SNRNP200: variants seen among roughly 807,000 people sequenced by gnomAD.
SNRNP200 encodes the protein U5 small nuclear ribonucleoprotein 200 kDa helicase.
Under a neutral mutation model 255.2 loss-of-function variants are expected in SNRNP200, and 66 were observed. The ratio of observed to expected loss-of-function variants is 0.26; its 90% CI spans 0.21 to 0.32. SNRNP200 has a LOEUF of 0.32. SNRNP200 is among the 10% of genes least tolerant of loss of function. The pLI is 1.00. For missense variants in SNRNP200, 1,585 were observed against 2,749.8 expected, an observed-to-expected ratio of 0.58 and a Z score of 9.47; for synonymous variants, 939 against 1,027.8, an observed-to-expected ratio of 0.91 and a Z score of 1.65.
At chr2:96,299,064 C>A in intron 6 of SNRNP200, 97 bp from the exon 7 acceptor site, 1 of 1,503,562 alleles carries the variant, frequency 6.7e-7, no homozygotes, top group Non-Finnish European at 9.2e-7. Flanking sequence ...CAATCCATAG[C>A]CCACCTTCTT....
chr2:96,299,070 T>C (rs1375668210), intron 6 of SNRNP200, 103 bp from the exon 7 acceptor site: 2 of 1,465,886 alleles, frequency 1.4e-6, no homozygotes, highest in African/African-American at 2.8e-5. Flanking sequence ...ATAGCCCACC[T>C]TCTTGTGAGG....
In SNRNP200 at chr2:96,283,147, A is replaced by C. The variant is rs762055213; in HGVS notation, c.4915+54T>G. 69 of 1,607,740 alleles carry C rather than the reference A, an allele frequency of 4.3e-5. No homozygotes were observed. Among genetic ancestry groups the C allele is most frequent in the Non-Finnish European group, 5.4e-5 (63 of 1,177,242 alleles). ...CTGCCACCCGCACCCCTCAAGTTTA[A>C]CACCACCACTTGGTGATACCCTTGC... On this transcript the variant is annotated intron_variant, in intron 34 of 44. Coordinates refer to ENST00000323853, the MANE Select transcript of SNRNP200 (RefSeq NM_014014.5). The surrounding 1 kb of genome is among the most constrained non-coding windows in gnomAD (Gnocchi z 4.7).
At position 96,295,571 on chromosome 2, in the gene SNRNP200, C is replaced by A. The variant is rs750045583; in HGVS notation, c.1759G>T (p.Val587Phe). 1.9e-6 allele frequency: 3 copies of A among 1,613,852 alleles called. No individual in the cohort carries two copies. The African/African-American group carries it at 4.0e-5, about 22-fold the overall frequency. Reference sequence around the variant, plus strand: ...ATGTCCCACTTCTCGGGGGTGCAGACGATGATCTGAGTGGCACTGATCTCT... The same window carrying A: ...ATGTCCCACTTCTCGGGGGTGCAGAAGATGATCTGAGTGGCACTGATCTCT... ...KEEISATQII[V>F]CTPEKWDIIT... Residue 587 changes from valine to phenylalanine, a missense_variant, in exon 14 of 45, where the codon GTC becomes TTC. Val to Phe is a conservative substitution (Grantham distance 50). Coordinates refer to ENST00000323853, the MANE Select transcript of SNRNP200 (RefSeq NM_014014.5).
rs969215410 is a variant in SNRNP200 at position 96,283,122 on chromosome 2, C to T, written c.4915+79G>A. ...TCTCTGGTATGCTGTAGAGAAAACA[C>T]TGCCACCCGCACCCCTCAAGTTTAA... On this transcript the variant is annotated intron_variant, in intron 34 of 44. Coordinates refer to ENST00000323853, the MANE Select transcript of SNRNP200 (RefSeq NM_014014.5). The surrounding 1 kb of genome is among the most constrained non-coding windows in gnomAD (Gnocchi z 4.7). 1.9e-5 allele frequency: 29 copies of T among 1,562,810 alleles called. No homozygotes were observed. In the African/African-American group the frequency reaches 3.2e-4, roughly 17 times the overall value.
rs149355805 is a variant in SNRNP200, at chr2:96,287,946, C to T, written c.3282G>A (p.Ala1094=). 5.0e-6 allele frequency: 8 copies of T among 1,614,200 alleles called. No individual in the cohort carries two copies. The highest frequency in any genetic ancestry group is 2.2e-5 in the East Asian group (1 of 44,888). ...CTCGGTTCAGGACAATTTCAAATAT[C>T]GCTCGCATCAACCGGCCAGCCGACT... ...VTQSAGRLMR[A]IFEIVLNRGW... Residue 1094 remains alanine (A), a synonymous_variant, in exon 25 of 45, where the codon GCG becomes GCA. Transcript: ENST00000323853. This position sits in a 1 kb window ranked among gnomAD's most constrained non-coding sequence, Gnocchi z 5.7.
At chr2:96,294,626 C>A (rs2063905657) in intron 14 of SNRNP200, among the ~76,000 whole-genome samples, 2 of 152,212 alleles carry the variant, frequency 1.3e-5, no homozygotes, top group Admixed American at 1.3e-4. Flanking sequence ...ACACTGAAAA[C>A]CAACACGTGA....
In SNRNP200 at chr2:96,278,533, A is replaced by G. The variant is rs1243831534; in HGVS notation, c.5488+14T>C. ...GGCTCCCACAGACAGGACACGGGCC[A>G]TGCCGGGCCTCACCAATGGTGGTGT... On this transcript the variant is annotated intron_variant, in intron 38 of 44. Coordinates refer to ENST00000323853, the MANE Select transcript of SNRNP200 (RefSeq NM_014014.5). This position sits in a 1 kb window ranked among gnomAD's most constrained non-coding sequence, Gnocchi z 6.9. 3.7e-6 allele frequency: 6 copies of G among 1,613,688 alleles called. No individual in the cohort carries two copies. Among genetic ancestry groups the G allele is most frequent in the Admixed American group, 1.7e-5 (1 of 60,000 alleles).
chr2:96,297,014 G>A lies in SNRNP200; in HGVS notation c.1434C>T (p.Phe478=), dbSNP rs1466158230. The A allele has an allele frequency of 1.2e-6, 2 of 1,614,064 alleles. No individual in the cohort carries two copies. Among genetic ancestry groups the A allele is most frequent in the East Asian group, 4.5e-5 (2 of 44,898 alleles). The stretch of plus-strand genomic sequence containing the variant: ...TACTCTGGATCCGATTCAGTGTTTT[G>A]AAGCCCTCAAACCCAGCCTGGGCAT... ...PKYAQAGFEG[F]KTLNRIQSKL... is the part of the protein sequence containing the mutation. Residue 478 remains phenylalanine (F), a synonymous_variant, in exon 12 of 45, where the codon TTC becomes TTT. Coordinates refer to ENST00000323853, the MANE Select transcript of SNRNP200 (RefSeq NM_014014.5).
In SNRNP200 at chr2:96,292,965, G is replaced by A. The variant is rs1400761100; in HGVS notation, c.2160+7C>T. ...GGTTCAAGAGTAACCATAAACCACG[G>A]GCAAACCTGATTTTTTCCAGCATGT... On this transcript the variant is annotated splice_region_variant and intron_variant, in intron 16 of 44. Coordinates refer to ENST00000323853, the MANE Select transcript of SNRNP200 (RefSeq NM_014014.5). 1.2e-6 allele frequency: 2 copies of A among 1,613,874 alleles called. No individual in the cohort carries two copies. The highest frequency in any genetic ancestry group is 3.3e-5 in the Admixed American group (2 of 60,000).
rs1456669615 is a variant in SNRNP200 at position 96,289,057 on chromosome 2, T to G, written c.3154A>C (p.Ile1052Leu). Residue 1052 changes from isoleucine to leucine, a missense_variant, in exon 23 of 45, where the codon ATT becomes CTT. Transcript: ENST00000323853. Reference protein sequence around the residue: ...ERVPIPVKESIEEPSAKINVL... With the variant: ...ERVPIPVKESLEEPSAKINVL... The stretch of plus-strand genomic sequence containing the variant: ...CTCACCTTAGCACTGGGTTCCTCAA[T>G]GCTCTCCTTTACAGGGATAGGCACC... 7 of 1,612,608 alleles carry G rather than the reference T, an allele frequency of 4.3e-6. No homozygotes were observed. In the African/African-American group the frequency reaches 9.3e-5, roughly 22 times the overall value.
At position 96,295,640 on chromosome 2, in the gene SNRNP200, T is replaced by G; in HGVS notation, c.1690A>C (p.Ile564Leu). Residue 564 changes from isoleucine (I) to leucine (L), a missense_variant, in exon 14 of 45, where the codon ATC becomes CTC. Coordinates refer to ENST00000323853, the MANE Select transcript of SNRNP200 (RefSeq NM_014014.5). ...TCCCCAGTCAGTTCAGCAACAGTGATGCCATAAGTGGCCAGGCGCTGTGGG... is the reference window on the plus strand; with the variant it reads ...TCCCCAGTCAGTTCAGCAACAGTGAGGCCATAAGTGGCCAGGCGCTGTGGG... The part of the protein sequence containing the change: ...SFGKRLATYG[I>L]TVAELTGDHQ... 1 of 1,613,842 alleles carries G rather than the reference T, an allele frequency of 6.2e-7. No homozygotes were observed. Among genetic ancestry groups the G allele is most frequent in the Non-Finnish European group, 8.5e-7 (1 of 1,180,006 alleles).
At chr2:96,279,701 A>G (rs1684727447) in intron 35 of SNRNP200, 142 bp from the exon 36 acceptor site, 1 of 678,276 alleles carries the variant, frequency 1.5e-6, no homozygotes, top group Admixed American at 2.0e-5. Context: ...CTGTTTATGA[A>G]TCTCTGCACT....
chr2:96,288,064 C>T (rs2063854579), intron 24 of SNRNP200, 95 bp from the exon 25 acceptor site: 1 of 1,071,076 alleles, frequency 9.3e-7, no homozygotes, highest in South Asian at 1.3e-5. Context: ...CCAGCTCTGA[C>T]ACAACCACCC....
chr2:96,287,739 A>T lies in SNRNP200; in HGVS notation c.3365+124T>A. ...CCTTCCCTCTTCTCAATGTGCACCA[A>T]GGTTCAGGTCATACTTCCGATGTCA... is the stretch of plus-strand genomic sequence containing the variant. On this transcript the variant is annotated intron_variant, in intron 25 of 44. Transcript: ENST00000323853. This position sits in a 1 kb window ranked among gnomAD's most constrained non-coding sequence, Gnocchi z 5.7. The T allele has an allele frequency of 1.0e-6, 1 of 963,238 alleles. No individual in the cohort carries two copies. Among genetic ancestry groups the T allele is most frequent in the Non-Finnish European group, 1.7e-6 (1 of 588,880 alleles). The allele number at this position is 963,238 out of a possible 1,614,324, so 59.7% of individuals were successfully genotyped here. A position where few individuals can be genotyped will look rare whatever the true frequency, so the allele number is the denominator to read the frequency against.
chr2:96,294,803 G>GT (rs750231433), intron 14 of SNRNP200, among the ~76,000 whole-genome samples: 5 of 152,298 alleles, frequency 3.3e-5, no homozygotes, highest in Non-Finnish European at 5.9e-5. Context: ...GGATATGATG[G>GT]TTTTTTGTCT....
At position 96,283,910 on chromosome 2, in the gene SNRNP200, T is replaced by C. The variant is rs777905152; in HGVS notation, c.4487A>G (p.Asn1496Ser). Residue 1496 changes from asparagine (N) to serine (S), a missense_variant, in exon 32 of 45, where the codon AAT becomes AGT. By Grantham distance (46) the Asn-to-Ser change is conservative (BLOSUM62 1). Coordinates refer to ENST00000323853, the MANE Select transcript of SNRNP200 (RefSeq NM_014014.5). This position sits in a 1 kb window ranked among gnomAD's most constrained non-coding sequence, Gnocchi z 4.7. ...RIVALSSSLSNAKDVAHWLGC... is the reference protein window; with the variant it reads ...RIVALSSSLSSAKDVAHWLGC... ...CAGCCAGTGGGCCACATCCTTGGCA[T>C]TGGAGAGCGAAGAGCTGAGTGCCAC... The C allele has an allele frequency of 2.3e-5, 36 of 1,597,966 alleles. No homozygotes were observed. The highest frequency in any genetic ancestry group is 4.6e-5 in the East Asian group (2 of 43,778).
In SNRNP200 at chr2:96,287,566, G is replaced by A. The variant is rs2104345571; in HGVS notation, c.3366-9C>T. On this transcript the variant is annotated splice_polypyrimidine_tract_variant and intron_variant, in intron 25 of 44. Transcript: ENST00000323853. This position sits in a 1 kb window ranked among gnomAD's most constrained non-coding sequence, Gnocchi z 5.7. ...GACACATGGACTGCCACCTATCCAG[G>A]AAGGAGGCAAAGCTGTTGGTCCCTT... 6.3e-7 allele frequency: 1 copy of A among 1,599,670 alleles called. No individual in the cohort carries two copies. Among genetic ancestry groups the A allele is most frequent in the Non-Finnish European group, 8.6e-7 (1 of 1,166,744 alleles).
In SNRNP200 at chr2:96,298,981, C is replaced by G. The variant is rs369853128; in HGVS notation, c.730-14G>C. On this transcript the variant is annotated splice_polypyrimidine_tract_variant and intron_variant, in intron 6 of 44. Coordinates refer to ENST00000323853, the MANE Select transcript of SNRNP200 (RefSeq NM_014014.5). ...TGAGGCTACGAGCTATAAAAGTAAC[C>G]AGGCATTTAGCTCACCAGGTCTCTG... The G allele has an allele frequency of 8.7e-6, 14 of 1,613,616 alleles. No individual in the cohort carries two copies. The African/African-American group carries it at 1.9e-4, about 22-fold the overall frequency.
chr2:96,303,664 C>T (rs774923705), intron 2 of SNRNP200, among the ~76,000 whole-genome samples: 6 of 152,206 alleles, frequency 3.9e-5, no homozygotes, highest in Non-Finnish European at 7.4e-5. Context: ...CCAAGGCAGG[C>T]GGATCACCTG....
Sources: gnomAD v4.1 joint callset for allele counts (sites outside exome capture counted in the v4.1 genomes callset) on GRCh38, gnomAD v4.1.1 for gene constraint, Gnocchi (gnomAD v3.1) non-coding constraint, MANE v1.5 for transcripts, NCBI Gene and HGNC (gene_info 2026-07-23, HGNC 2026-07-21) for gene names.